Variants in LHX4 observed in about 807,000 individuals in gnomAD.
LHX4 encodes the protein LIM/homeobox protein Lhx4.
LHX4 carries 16 observed loss-of-function variants against 39.2 expected under a neutral mutation model. The ratio of observed to expected loss-of-function variants is 0.41; its 90% CI spans 0.28 to 0.62. LHX4 has a LOEUF of 0.62. LHX4 is among the 20% of genes least tolerant of loss of function. The pLI, the probability that LHX4 is intolerant of heterozygous loss-of-function variation, is 0.33. For missense variants in LHX4, 439 were observed against 511.9 expected (o/e 0.86, Z 1.37); for synonymous variants, 206 against 198.1 (o/e 1.04, Z -0.33).
chr1:180,257,481 A>C (rs1201614748), intron 2 of LHX4, among the ~76,000 whole-genome samples: 3 of 152,164 alleles, frequency 2.0e-5, no homozygotes, highest in African/African-American at 7.2e-5. Flanking sequence ...GGCCTTCTCC[A>C]AATAGGACCC....
At chr1:180,248,228 C>T in intron 1 of LHX4, 57 bp from the exon 2 acceptor site, 2 of 1,588,110 alleles carry the variant, frequency 1.3e-6, no homozygotes, top group Non-Finnish European at 1.7e-6. Context: ...AGGGCCTGGC[C>T]TGGTTAGCAG....
chr1:180,241,732 C>G (rs1664447729), intron 1 of LHX4, among the ~76,000 whole-genome samples: 1 of 152,170 alleles, frequency 6.6e-6, no homozygotes, highest in Admixed American at 6.5e-5. Context: ...GATCTAAACT[C>G]TGATCAGAAC....
chr1:180,240,189 CATT>C (rs1310865981), intron 1 of LHX4, among the ~76,000 whole-genome samples: 2 of 152,192 alleles, frequency 1.3e-5, no homozygotes, highest in Admixed American at 1.3e-4. Context: ...GTTAAATAAA[CATT>C]ATTCCCTTTT....
rs1649096817 is a variant in LHX4, at chr1:180,277,350, T to C, written c.*2771T>C. ...AAGTCTATTATGGGGTATAAGGTGC[T>C]ACATGGTAGCTGTTTCCCCCCTTGC... On this transcript the variant is annotated 3_prime_UTR_variant, in exon 6 of 6. Coordinates refer to ENST00000263726, the MANE Select transcript of LHX4 (RefSeq NM_033343.4). The C allele has an allele frequency of 6.6e-6, 1 of 152,194 alleles. No homozygotes were observed. Among genetic ancestry groups the C allele is most frequent in the African/African-American group, 2.4e-5 (1 of 41,428 alleles). 9.4% of individuals were successfully genotyped at this position (152,194 alleles called of 1,614,324 possible).
At chr1:180,229,654 G>C (rs910929780), upstream of LHX4, among the ~76,000 whole-genome samples, 31 of 151,810 alleles carry the variant, frequency 2.0e-4, no homozygotes, top group African/African-American at 7.3e-4. Flanking sequence ...CATCGGTTAC[G>C]GAGCGCGCTC....
chr1:180,269,417 T>G (rs1033439417), intron 3 of LHX4, among the ~76,000 whole-genome samples: 17 of 152,190 alleles, frequency 1.1e-4, no homozygotes, highest in Admixed American at 4.6e-4. Flanking sequence ...GACATTGTTA[T>G]GGGATATAAA....
At chr1:180,255,991 A>G (rs1211062350) in intron 2 of LHX4, among the ~76,000 whole-genome samples, 1 of 152,220 alleles carries the variant, frequency 6.6e-6, no homozygotes. Context: ...CAGGCACAGC[A>G]CAGCAGCCAG....
chr1:180,266,337 G>GA lies in LHX4; in HGVS notation c.249-53dup. ...GGGAGGCTGCTCCAGGAAGTTGGGG[G>GA]AAGCCAGATCCCTTGCTCCCTGTGT... On this transcript the variant is annotated intron_variant, in intron 2 of 5. Coordinates refer to ENST00000263726, the MANE Select transcript of LHX4 (RefSeq NM_033343.4). This position sits in a 1 kb window ranked among gnomAD's most constrained non-coding sequence, Gnocchi z 5.7. 6.3e-7 allele frequency: 1 copy of GA among 1,582,752 alleles called. No individual in the cohort carries two copies. The highest frequency in any genetic ancestry group is 8.7e-7 in the Non-Finnish European group (1 of 1,153,608).
intron 3 of LHX4, among the ~76,000 whole-genome samples, chr1:180,269,383 C>G (rs569277835): frequency 4.6e-5 from 7 of 152,298 alleles, no homozygotes; most frequent in Non-Finnish European, 7.3e-5. Flanking sequence ...AGCACTGCCA[C>G]TGCTACTTAA....
Position 180,271,512 on chromosome 1 carries a change from G to C in LHX4, c.584G>C (p.Gly195Ala). 1 of 1,614,144 alleles carries C rather than the reference G, an allele frequency of 6.2e-7. No homozygotes were observed. Among genetic ancestry groups the C allele is most frequent in the Non-Finnish European group, 8.5e-7 (1 of 1,180,024 alleles). Residue 195 changes from glycine to alanine, a missense_variant, in exon 4 of 6, where the codon GGC (glycine) becomes GCC (alanine). Physicochemically the swap from Gly to Ala is moderately conservative, Grantham distance 60. Coordinates refer to ENST00000263726, the MANE Select transcript of LHX4 (RefSeq NM_033343.4). ...AGGGAGCAGCTGTCCTCAGAGACAG[G>C]CCTGGACATGAGGGTCGTACAGGTG... ...HVREQLSSET[G>A]LDMRVVQVWF...
chr1:180,249,463 G>A (rs555735907), intron 2 of LHX4, among the ~76,000 whole-genome samples: 1 of 152,340 alleles, frequency 6.6e-6, no homozygotes, highest in East Asian at 1.9e-4. Context: ...GGGGGTTAGG[G>A]ATCAGTGACG....
At chr1:180,269,193 G>A (rs1250272252) in intron 3 of LHX4, among the ~76,000 whole-genome samples, 1 of 152,018 alleles carries the variant, frequency 6.6e-6, no homozygotes, top group Non-Finnish European at 1.5e-5. Flanking sequence ...CCAGTGAAGT[G>A]TATCTTTGCC....
rs2764451 is a variant in LHX4 at position 180,276,516 on chromosome 1, T to A, written c.*1937T>A. 7,963 of 152,314 alleles carry A rather than the reference T, an allele frequency of 0.052. 251 individuals are homozygous for A. The highest frequency in any genetic ancestry group is 0.06 in the Non-Finnish European group (4,074 of 68,032). The allele number at this position is 152,314 out of a possible 1,614,324, so 9.4% of individuals were successfully genotyped here. On this transcript the variant is annotated 3_prime_UTR_variant, in exon 6 of 6. Coordinates refer to ENST00000263726, the MANE Select transcript of LHX4 (RefSeq NM_033343.4). Reference sequence around the variant, plus strand: ...TGAGGTTCCATGTTTATGGATGATGTTGTGTTAATCCTAGCCAATTCTGTG... The same window carrying A: ...TGAGGTTCCATGTTTATGGATGATGATGTGTTAATCCTAGCCAATTCTGTG...
At position 180,233,374 on chromosome 1, in the gene LHX4, A is replaced by T. The variant is rs531145010; in HGVS notation, c.76+2769A>T. On this transcript the variant is annotated intron_variant, in intron 1 of 5. Coordinates refer to ENST00000263726, the MANE Select transcript of LHX4 (RefSeq NM_033343.4). ...CCCCGGTGCGGGCCTCGTCGCTCCG[A>T]CAGCCCTACAGCTGTCCCTACGGCC... is the stretch of plus-strand genomic sequence containing the variant. 2.0e-5 allele frequency among the ~76,000 whole-genome samples: 3 copies of T among 152,044 alleles called. No homozygotes were observed. In the South Asian group the frequency reaches 6.2e-4, roughly 32 times the overall value.
intron 2 of LHX4, among the ~76,000 whole-genome samples, chr1:180,251,173 G>C (rs1470861913): frequency 1.3e-5 from 2 of 152,200 alleles, no homozygotes; most frequent in African/African-American, 4.8e-5. Context: ...CACAGAGCCT[G>C]CCAGAGGCAC....
At chr1:180,267,047 C>A (rs1034821641) in intron 3 of LHX4, among the ~76,000 whole-genome samples, 1 of 148,628 alleles carries the variant, frequency 6.7e-6, no homozygotes, top group Admixed American at 6.6e-5. Context: ...GAGCCCAGCA[C>A]TGGCCTCTGC....
Position 180,251,352 on chromosome 1 carries a change from C to A in LHX4, c.248+2896C>A, listed in dbSNP as rs561650895. ...TCATCCTCCAGGGACGGTGCCCACC[C>A]TCCAGGGCTTCCATCCTTCCAGGGT... is the stretch of plus-strand genomic sequence containing the variant. On this transcript the variant is annotated intron_variant, in intron 2 of 5. Transcript: ENST00000263726. Among the ~76,000 whole-genome samples the A allele has an allele frequency of 1.5e-4, 23 of 152,350 alleles. No homozygotes were observed. In the South Asian group the frequency reaches 4.8e-3, roughly 32 times the overall value.
At chr1:180,251,956 G>C (rs1253166506) in intron 2 of LHX4, among the ~76,000 whole-genome samples, 3 of 152,220 alleles carry the variant, frequency 2.0e-5, no homozygotes. Flanking sequence ...AGGTGGCTCT[G>C]AAGTCCTCAG....
At chr1:180,270,443 A>AT (rs1648576928) in intron 3 of LHX4, 1 of 152,240 alleles carries the variant, frequency 6.6e-6, no homozygotes, top group African/African-American at 2.4e-5. Flanking sequence ...AAAGGGCAGT[A>AT]TGCCTAAGTG....
Sources: gnomAD v4.1 joint callset for allele counts (sites outside exome capture counted in the v4.1 genomes callset) on GRCh38, gnomAD v4.1.1 for gene constraint, Gnocchi (gnomAD v3.1) non-coding constraint, MANE v1.5 for transcripts, NCBI Gene and HGNC (gene_info 2026-07-23, HGNC 2026-07-21) for gene names.